The following FSTL4 variants were observed in gnomAD, a reference collection of about 807,000 sequenced individuals.
The protein encoded by FSTL4 is follistatin like 4.
Under a neutral mutation model 78.2 loss-of-function variants are expected in FSTL4, and 28 were observed. The ratio of observed to expected loss-of-function variants is 0.36; its 90% confidence interval spans 0.27 to 0.49. The LOEUF (loss-of-function observed/expected upper bound fraction) is 0.49, where lower values mean the gene tolerates loss of function less well. Among genes scored for constraint, FSTL4 ranks in the 20% least tolerant of loss-of-function variants. FSTL4 has a pLI of 0.98. For missense variants in FSTL4, 922 were observed against 1,084.9 expected (o/e 0.85, Z 2.11); for synonymous variants, 422 against 440.5 (o/e 0.96, Z 0.53).
chr5:133,261,674 G>A (rs2126835994), intron 6 of FSTL4, among the ~76,000 whole-genome samples: 1 of 152,152 alleles, frequency 6.6e-6, no homozygotes, highest in South Asian at 2.1e-4. Context: ...TGGCCAACAT[G>A]GTGAAACTCC....
At chr5:133,301,743 C>T (rs1026639097) in intron 6 of FSTL4, among the ~76,000 whole-genome samples, 1 of 152,240 alleles carries the variant, frequency 6.6e-6, no homozygotes, top group South Asian at 2.1e-4. Flanking sequence ...CAGGCTGCCC[C>T]AGGCGGCTCG....
the FSTL4 span, among the ~76,000 whole-genome samples, chr5:133,635,619 TG>T: frequency 6.6e-6 from 1 of 151,832 alleles, no homozygotes; most frequent in Non-Finnish European, 1.5e-5. Context: ...CAAAATTAGC[TG>T]GGCGTGGTGG....
the FSTL4 span, among the ~76,000 whole-genome samples, chr5:133,760,951 A>C: frequency 2.0e-5 from 3 of 152,184 alleles, no homozygotes; most frequent in Admixed American, 1.3e-4. Flanking sequence ...AGGCAGAGGG[A>C]TGTGGATAAG....
the FSTL4 span, among the ~76,000 whole-genome samples, chr5:133,799,017 G>T: frequency 8.7e-6 from 1 of 114,788 alleles, no homozygotes. Flanking sequence ...GGGAAGGGAA[G>T]GAATTAGAGG....
intron 4 of FSTL4, among the ~76,000 whole-genome samples, chr5:133,352,335 TATATATACAC>T (rs1254250229): frequency 2.3e-5 from 3 of 130,580 alleles, no homozygotes; most frequent in African/African-American, 9.6e-5. Context: ...TACACACATA[TATATATACAC>T]ATATATATAC....
the FSTL4 span, among the ~76,000 whole-genome samples, chr5:133,644,301 CT>C: frequency 6.6e-6 from 1 of 151,992 alleles, no homozygotes; most frequent in Non-Finnish European, 1.5e-5. Context: ...AAACTAAAGT[CT>C]TTTTTGTGTG....
At chr5:133,621,394 C>T in the FSTL4 span, among the ~76,000 whole-genome samples, 6,000 of 151,440 alleles carry the variant, frequency 0.04, 199 homozygotes, top group African/African-American at 0.095. Flanking sequence ...AGCGAGACTC[C>T]GTCTCAAAAA....
intron 3 of FSTL4, among the ~76,000 whole-genome samples, chr5:133,439,961 C>T (rs1039563902): frequency 2.0e-5 from 3 of 152,158 alleles, no homozygotes; most frequent in Non-Finnish European, 4.4e-5. Context: ...AGGGGTCAGA[C>T]GTTGATCTGT....
the FSTL4 span, among the ~76,000 whole-genome samples, chr5:133,769,617 TGGGGTTATAGATGGTAGCAAG>T: frequency 6.6e-6 from 1 of 152,190 alleles, no homozygotes; most frequent in African/African-American, 2.4e-5. Flanking sequence ...AAACCTTCTG[TGGGGTTATAGATGGTAGCAAG>T]GGTTCACCTT....
At chr5:133,593,723 A>G (rs1760684904) in intron 2 of FSTL4, among the ~76,000 whole-genome samples, 2 of 152,202 alleles carry the variant, frequency 1.3e-5, no homozygotes, top group Non-Finnish European at 2.9e-5. Context: ...TCTTTCTAAT[A>G]AAGATGTACT....
At chr5:133,353,398 G>A (rs1754872251) in intron 4 of FSTL4, among the ~76,000 whole-genome samples, 1 of 152,194 alleles carries the variant, frequency 6.6e-6, no homozygotes, top group Non-Finnish European at 1.5e-5. Context: ...GTCTGCATGT[G>A]GGCTGGAGCC....
At chr5:133,828,459 A>AT in the FSTL4 span, among the ~76,000 whole-genome samples, 9 of 152,172 alleles carry the variant, frequency 5.9e-5, no homozygotes, top group African/African-American at 1.7e-4. Flanking sequence ...AAAAAGTGCT[A>AT]TTTTTTAAAA....
In FSTL4 at chr5:133,342,062, C is replaced by A. The variant is rs114848556; in HGVS notation, c.410-25410G>T. 3.4e-3 allele frequency among the ~76,000 whole-genome samples: 515 copies of A among 152,256 alleles called. 5 individuals carry two copies. Among genetic ancestry groups the A allele is most frequent in the African/African-American group, 0.012 (492 of 41,522 alleles). On this transcript the variant is annotated intron_variant, in intron 4 of 15. Transcript: ENST00000265342. ...CAGACCCCACACAGGGTGGGGTCCA[C>A]AGAGGCCCCAGGAATGGACAGGGAA...
At chr5:133,499,129 T>C (rs1394705259) in intron 3 of FSTL4, among the ~76,000 whole-genome samples, 2 of 151,978 alleles carry the variant, frequency 1.3e-5, no homozygotes, top group East Asian at 3.9e-4. Flanking sequence ...GACCACACAG[T>C]TGCAGACTGA....
chr5:133,704,113 C>A, the FSTL4 span, among the ~76,000 whole-genome samples: 1 of 152,146 alleles, frequency 6.6e-6, no homozygotes, highest in Non-Finnish European at 1.5e-5. Flanking sequence ...CATCTCCACA[C>A]CATCAGAGAC....
At chr5:133,820,207 C>T in the FSTL4 span, among the ~76,000 whole-genome samples, 2 of 152,172 alleles carry the variant, frequency 1.3e-5, no homozygotes, top group African/African-American at 2.4e-5. Context: ...ACAGCTTCCC[C>T]GGGCCGGCTG....
At chr5:133,546,213 GA>G (rs754976773) in intron 3 of FSTL4, among the ~76,000 whole-genome samples, 1 of 152,110 alleles carries the variant, frequency 6.6e-6, no homozygotes, top group Non-Finnish European at 1.5e-5. Context: ...GCCACATAAA[GA>G]GTGAAAAAGT....
At chr5:133,710,218 A>G in the FSTL4 span, among the ~76,000 whole-genome samples, 1 of 152,318 alleles carries the variant, frequency 6.6e-6, no homozygotes, top group South Asian at 2.1e-4. Context: ...GGACTCTGCA[A>G]TATGCTCACC....
At chr5:133,397,607 A>C (rs1462392236) in intron 4 of FSTL4, among the ~76,000 whole-genome samples, 2 of 152,180 alleles carry the variant, frequency 1.3e-5, no homozygotes, top group African/African-American at 4.8e-5. Context: ...GGTGAAGGCT[A>C]TGTGTCCCCC....
Sources: allele counts gnomAD v4.1 joint callset (sites outside exome capture counted in the v4.1 genomes callset), GRCh38; gene constraint gnomAD v4.1.1; transcripts MANE v1.5; gene names NCBI Gene and HGNC (gene_info 2026-07-23, HGNC 2026-07-21).